Variants in IKBKB observed in about 807,000 individuals in gnomAD.
IKBKB encodes inhibitor of nuclear factor kappa-B kinase subunit beta.
Under a neutral mutation model 113.6 loss-of-function variants are expected in IKBKB, and 42 were observed. The ratio of observed to expected loss-of-function variants is 0.37; its 90% confidence interval spans 0.29 to 0.48. IKBKB has a LOEUF of 0.48. IKBKB is among the 20% of genes least tolerant of loss of function. IKBKB has a pLI of 0.99. For missense variants in IKBKB, 673 were observed against 939.7 expected, an observed-to-expected ratio of 0.72 and a Z score of 3.71; for synonymous variants, 296 against 361.3, an observed-to-expected ratio of 0.82 and a Z score of 2.05.
At position 42,317,735 on chromosome 8, in the gene IKBKB, T is replaced by C; in HGVS notation, c.1204T>C (p.Ser402Pro). 6.2e-7 allele frequency: 1 copy of C among 1,613,678 alleles called. No individual in the cohort carries two copies. Among genetic ancestry groups the C allele is most frequent in the South Asian group, 1.1e-5 (1 of 91,082 alleles). The change falls in exon 12 of 22, where the codon TCC becomes CCC. Residue 402 changes from serine (S) to proline (P), a missense_variant. By Grantham distance (74) the Ser-to-Pro change is moderately conservative. Transcript: ENST00000520810. The part of the protein sequence containing the change: ...NSKITYETQI[S>P]PRPQPESVSC... Reference sequence around the variant, plus strand: ...TAAAATCACCTATGAGACTCAGATCTCCCCACGGCCCCAACCTGAAAGTGT... The same window carrying C: ...TAAAATCACCTATGAGACTCAGATCCCCCCACGGCCCCAACCTGAAAGTGT...
chr8:42,293,600 C>T (rs758977772), intron 5 of IKBKB, 88 bp downstream of exon 5: 271 of 1,607,780 alleles, frequency 1.7e-4, no homozygotes, highest in Non-Finnish European at 2.2e-4. Flanking sequence ...CAGGCAGACA[C>T]TTCAATCCTT....
chr8:42,308,285 T>C (rs1298503431), intron 7 of IKBKB, among the ~76,000 whole-genome samples: 1 of 18,696 alleles, frequency 5.3e-5, no homozygotes, highest in Non-Finnish European at 1.1e-3. Flanking sequence ...TTTTTTTCCT[T>C]TTTTTTCTTT....
At position 42,290,242 on chromosome 8, in the gene IKBKB, T is replaced by C. The variant is rs1409965245; in HGVS notation, c.287T>C (p.Met96Thr). Reference protein sequence around the residue: ...LAPNDLPLLAMEYCQGGDLRK... With the variant: ...LAPNDLPLLATEYCQGGDLRK... ...CCCAATGACCTGCCCCTGCTGGCCA[T>C]GGAGTACTGCCAAGGAGGAGATCTC... The change falls in exon 4 of 22, where the codon ATG (methionine) becomes ACG (threonine). Residue 96 changes from methionine to threonine, a missense_variant. Physicochemically the swap from Met to Thr is moderately conservative, Grantham distance 81 (BLOSUM62 -1). Around this residue, in one of 2 missense-constraint regions of IKBKB, gnomAD observed 167 missense variants for 301.0 expected, o/e 0.55. Transcript: ENST00000520810. The C allele has an allele frequency of 1.9e-6, 3 of 1,613,344 alleles. No homozygotes were observed. Among genetic ancestry groups the C allele is most frequent in the Admixed American group, 1.7e-5 (1 of 59,904 alleles).
chr8:42,309,436 C>A, intron 8 of IKBKB: 1 of 379,780 alleles, frequency 2.6e-6, no homozygotes, highest in Non-Finnish European at 5.2e-6. Flanking sequence ...TTACTACAAC[C>A]TGAATATAAA....
chr8:42,278,667 C>T (rs139115112), intron 2 of IKBKB, among the ~76,000 whole-genome samples: 5 of 151,582 alleles, frequency 3.3e-5, no homozygotes, highest in East Asian at 3.9e-4. Flanking sequence ...GTTTTGGAGT[C>T]GTCTAGGTGA....
chr8:42,297,579 G>A (rs1380391797), intron 5 of IKBKB, among the ~76,000 whole-genome samples: 2 of 152,194 alleles, frequency 1.3e-5, no homozygotes, highest in East Asian at 3.9e-4. Context: ...TGCCCAAGAA[G>A]AGGCTGCAGA....
intron 1 of IKBKB, 166 bp downstream of exon 1, chr8:42,271,635 T>C (rs910859719): frequency 9.2e-6 from 5 of 545,860 alleles, no homozygotes; most frequent in Admixed American, 7.5e-5. Flanking sequence ...GAGAAACAGC[T>C]CTCCCTGGGG....
At chr8:42,290,111 TG>T in intron 3 of IKBKB, 44 bp from the exon 4 acceptor site, 1 of 1,390,032 alleles carries the variant, frequency 7.2e-7, no homozygotes, top group Non-Finnish European at 1.0e-6. Flanking sequence ...GGGATGGGTC[TG>T]GGCAGGAGCC....
At chr8:42,320,558 C>T (rs187273665) in intron 15 of IKBKB, 177 bp from the exon 16 acceptor site, 128 of 546,512 alleles carry the variant, frequency 2.3e-4, no homozygotes, top group African/African-American at 2.1e-3. Flanking sequence ...AGCTAGAAAG[C>T]GGTGGACCCT....
At chr8:42,283,305 C>T (rs1402286572) in intron 2 of IKBKB, among the ~76,000 whole-genome samples, 6 of 152,168 alleles carry the variant, frequency 3.9e-5, no homozygotes, top group African/African-American at 7.2e-5. Flanking sequence ...ATAATCCCCC[C>T]CAACCCCACC....
chr8:42,276,758 G>T (rs550799852), intron 2 of IKBKB, among the ~76,000 whole-genome samples: 2 of 150,036 alleles, frequency 1.3e-5, no homozygotes, highest in Admixed American at 1.3e-4. Flanking sequence ...AGACAGGTGC[G>T]ATCTCGGGTC....
chr8:42,288,779 C>G, intron 3 of IKBKB, 51 bp downstream of exon 3: 1 of 1,430,352 alleles, frequency 7.0e-7, no homozygotes, highest in Non-Finnish European at 9.7e-7. Flanking sequence ...CAGCAGCCCC[C>G]GGTGTGTCTA....
chr8:42,282,556 G>A (rs1810589158), intron 2 of IKBKB, among the ~76,000 whole-genome samples: 1 of 152,196 alleles, frequency 6.6e-6, no homozygotes, highest in East Asian at 1.9e-4. Flanking sequence ...TATACCAGAA[G>A]TTGGGTACTG....
In IKBKB at chr8:42,306,258, C is replaced by G; in HGVS notation, c.478-85C>G. 6.0e-6 allele frequency: 5 copies of G among 834,060 alleles called. No individual in the cohort carries two copies. The Admixed American group carries it at 9.8e-5, about 16-fold the overall frequency. 51.7% of individuals were successfully genotyped at this position (834,060 alleles called of 1,614,324 possible). ...AGTACCTGGGAATTCAGAAATACCT[C>G]TGCTCTAACACCAGGCAGTCAGAAT... On this transcript the variant is annotated intron_variant, in intron 6 of 21. Transcript: ENST00000520810.
In IKBKB at chr8:42,316,717, A is replaced by T. The variant is rs141351312; in HGVS notation, c.938A>T (p.His313Leu). The T allele has an allele frequency of 1.9e-6, 3 of 1,611,186 alleles. No individual in the cohort carries two copies. The South Asian group carries it at 3.3e-5, about 18-fold the overall frequency. ...ATCTGGGTTGTGTTGCAGCTGGTTC[A>T]TATCTTGAACATGGTCACGGGCACC... The part of the protein sequence containing the change: ...LDDILNLKLV[H>L]ILNMVTGTIH... Residue 313 changes from histidine (H) to leucine (L), a missense_variant, in exon 11 of 22, where the codon CAT (histidine) becomes CTT (leucine). His to Leu is a moderately conservative substitution (Grantham distance 99). Around this residue, in one of 2 missense-constraint regions of IKBKB, gnomAD observed 506 missense variants for 638.7 expected, o/e 0.79. Transcript: ENST00000520810. This position sits in a 1 kb window ranked among gnomAD's most constrained non-coding sequence, Gnocchi z 4.5.
intron 5 of IKBKB, among the ~76,000 whole-genome samples, chr8:42,293,916 A>G (rs1813178720): frequency 6.6e-6 from 1 of 152,226 alleles, no homozygotes; most frequent in Non-Finnish European, 1.5e-5. Flanking sequence ...AGGCGTAGGA[A>G]AAACTGTCCT....
chr8:42,287,143 G>A (rs1003094848), intron 2 of IKBKB, among the ~76,000 whole-genome samples: 11 of 152,186 alleles, frequency 7.2e-5, no homozygotes, highest in Non-Finnish European at 1.0e-4. Context: ...GGCCAGAGCC[G>A]CTTTCCCTGC....
chr8:42,303,414 G>A (rs1206665042), intron 5 of IKBKB, among the ~76,000 whole-genome samples: 7 of 152,080 alleles, frequency 4.6e-5, no homozygotes, highest in Non-Finnish European at 5.9e-5. Flanking sequence ...TATGCAGTAA[G>A]TATCCTTGGG....
intron 2 of IKBKB, among the ~76,000 whole-genome samples, chr8:42,276,799 A>G (rs1381484688): frequency 5.4e-5 from 8 of 147,574 alleles, no homozygotes; most frequent in Admixed American, 1.4e-4. Flanking sequence ...GGTTCAAGCG[A>G]TTCTCCTGCC....
Sources: allele counts gnomAD v4.1 joint callset (sites outside exome capture counted in the v4.1 genomes callset), GRCh38; gene constraint gnomAD v4.1.1; regional missense constraint gnomAD v4.1.1; non-coding constraint Gnocchi (gnomAD v3.1); transcripts MANE v1.5; gene names NCBI Gene and HGNC (gene_info 2026-07-23, HGNC 2026-07-21).